Variants in PRH1 observed in about 807,000 individuals in gnomAD.
The protein encoded by PRH1 is proline rich protein HaeIII subfamily 1, also known as salivary acidic proline-rich phosphoprotein 1/2.
In PRH1, 7 loss-of-function variants were observed where a neutral mutation model predicts 7.9. That is an observed-to-expected ratio of 0.89 (90% CI 0.50 to 1.67). The LOEUF (loss-of-function observed/expected upper bound fraction) is 1.67. Among genes scored for constraint, PRH1 ranks in the 40% most tolerant of loss-of-function variants. The pLI is 0.00. For missense variants in PRH1, 109 were observed against 223.6 expected (o/e 0.49, Z 3.27); for synonymous variants, 45 against 80.8 (o/e 0.56, Z 2.38).
chr12:10,950,167 T>G (rs539232130), intron 2 of PRH1, among the ~76,000 whole-genome samples: 1 of 152,232 alleles, frequency 6.6e-6, no homozygotes, highest in South Asian at 2.1e-4. Flanking sequence ...CTGATGGACA[T>G]TTGGGAGACT....
chr12:11,158,630 T>A (rs1039646021), intron 1 of PRH1, among the ~76,000 whole-genome samples: 1 of 152,186 alleles, frequency 6.6e-6, no homozygotes, highest in Non-Finnish European at 1.5e-5. Flanking sequence ...TGAGAAAATA[T>A]GGTTAGTGAA....
At chr12:10,941,125 A>G (rs1950392612) in intron 2 of PRH1, among the ~76,000 whole-genome samples, 1 of 152,054 alleles carries the variant, frequency 6.6e-6, no homozygotes, top group Non-Finnish European at 1.5e-5. Flanking sequence ...AAGACAAACT[A>G]CCATGGTGGG....
chr12:11,155,797 A>C (rs537171616), intron 1 of PRH1, among the ~76,000 whole-genome samples: 6 of 152,184 alleles, frequency 3.9e-5, no homozygotes, highest in South Asian at 2.1e-4. Flanking sequence ...ATTACAAATA[A>C]TACTACCATG....
intron 1 of PRH1, among the ~76,000 whole-genome samples, chr12:11,059,834 A>G (rs561408032): frequency 7.9e-5 from 12 of 152,282 alleles, no homozygotes; most frequent in African/African-American, 2.9e-4. Flanking sequence ...TCATTGGTTT[A>G]CCACATCAGC....
intron 2 of PRH1, among the ~76,000 whole-genome samples, chr12:10,914,304 G>A (rs564912564): frequency 4.6e-5 from 7 of 152,318 alleles, no homozygotes; most frequent in Admixed American, 6.5e-5. Flanking sequence ...AGAGGGAGAT[G>A]CTCTAAAAGA....
chr12:11,112,575 C>T (rs1250755370), intron 1 of PRH1, among the ~76,000 whole-genome samples: 1 of 152,108 alleles, frequency 6.6e-6, no homozygotes, highest in African/African-American at 2.4e-5. Context: ...TCAACAGATG[C>T]AGAAAAGGCC....
At chr12:10,955,016 C>G (rs1422537248) in intron 2 of PRH1, among the ~76,000 whole-genome samples, 1 of 152,216 alleles carries the variant, frequency 6.6e-6, no homozygotes, top group Middle Eastern at 3.4e-3. Context: ...CAGCACTAGA[C>G]AGAACATCAA....
intron 1 of PRH1, among the ~76,000 whole-genome samples, chr12:11,029,446 AAG>A (rs1464636360): frequency 6.6e-6 from 1 of 152,216 alleles, no homozygotes; most frequent in Non-Finnish European, 1.5e-5. Flanking sequence ...ATTTTTCAAA[AAG>A]AGAGGATTTG....
At chr12:10,967,929 A>G (rs1938586365) in intron 2 of PRH1, among the ~76,000 whole-genome samples, 1 of 152,194 alleles carries the variant, frequency 6.6e-6, no homozygotes, top group Admixed American at 6.5e-5. Flanking sequence ...TTTTAAAAAT[A>G]AGAGATTAGG....
intron 1 of PRH1, chr12:11,030,941 A>G (rs552924769): frequency 1.2e-6 from 2 of 1,614,300 alleles, no homozygotes; most frequent in African/African-American, 2.7e-5. Context: ...CCCCAACAGC[A>G]TCACCAGAAT....
chr12:11,127,209 A>T (rs1946162820), intron 1 of PRH1, among the ~76,000 whole-genome samples: 1 of 152,304 alleles, frequency 6.6e-6, no homozygotes, highest in African/African-American at 2.4e-5. Context: ...GCTTGTTATA[A>T]GATAAAATTT....
intron 2 of PRH1, chr12:10,938,675 A>G: frequency 6.2e-7 from 1 of 1,614,084 alleles, no homozygotes; most frequent in Non-Finnish European, 8.5e-7. Flanking sequence ...TAATACAATA[A>G]GACTGGAAAA....
At chr12:11,021,807 C>T in intron 1 of PRH1, 1 of 1,614,250 alleles carries the variant, frequency 6.2e-7, no homozygotes, top group Non-Finnish European at 8.5e-7. Flanking sequence ...GTTTGCTCTG[C>T]TGTGTCCTAA....
At chr12:10,915,325 A>G (rs16925519) in intron 2 of PRH1, among the ~76,000 whole-genome samples, 4,081 of 152,324 alleles carry the variant, frequency 0.027, 93 homozygotes, top group African/African-American at 0.056. Flanking sequence ...TCCTGAATGA[A>G]GCCTTACAAT....
chr12:11,152,232 CT>C (rs2136430164), intron 1 of PRH1, among the ~76,000 whole-genome samples: 1 of 115,798 alleles, frequency 8.6e-6, no homozygotes, highest in South Asian at 3.6e-4. Flanking sequence ...TCCCTCCCCC[CT>C]CCCCCCACCC....
At position 10,894,204 on chromosome 12, in the gene PRH1, G is replaced by A. The variant is rs149561957; in HGVS notation, c.-58-9929C>T. Among the ~76,000 whole-genome samples, 250 of 151,896 alleles carry A rather than the reference G, an allele frequency of 1.6e-3. 1 individual carries two copies. The highest frequency in any genetic ancestry group is 2.5e-3 in the Non-Finnish European group (167 of 67,930). On this transcript the variant is annotated intron_variant, in intron 2 of 3. Transcript: ENST00000539853. The stretch of plus-strand genomic sequence containing the variant: ...TAAAATCTTACTGATTTTTTAATAC[G>A]TGTCCTTGCCTTCCTTACACAGTTA...
chr12:11,123,115 A>G (rs1945967677), intron 1 of PRH1, among the ~76,000 whole-genome samples: 1 of 152,226 alleles, frequency 6.6e-6, no homozygotes, highest in South Asian at 2.1e-4. Flanking sequence ...GGCTTCCTGG[A>G]CTCAACATTA....
Position 11,093,018 on chromosome 12 carries a change from C to T in PRH1, n.124-45830G>A, listed in dbSNP as rs1435110341. ...CTGGAATTATTCACACTGAAATTGACGTGAGACCTGAATCCTCATTTGCTA... is the reference window on the plus strand; with the variant it reads ...CTGGAATTATTCACACTGAAATTGATGTGAGACCTGAATCCTCATTTGCTA... On this transcript the variant is annotated intron_variant and non_coding_transcript_variant, in intron 1 of 4. Transcript: ENST00000541977. 2.6e-5 allele frequency among the ~76,000 whole-genome samples: 3 copies of T among 115,652 alleles called. 1 individual carries two copies. Among genetic ancestry groups the T allele is most frequent in the East Asian group, 4.2e-4 (2 of 4,774 alleles). The allele number at this position is 115,652 out of a possible 152,430, so 75.9% of individuals were successfully genotyped here. A position where few individuals can be genotyped will look rare whatever the true frequency, so the allele number is the denominator to read the frequency against.
intron 1 of PRH1, chr12:11,006,158 T>G (rs572603351): frequency 2.0e-5 from 3 of 152,160 alleles, no homozygotes; most frequent in African/African-American, 4.8e-5. Flanking sequence ...ATTTCACAAC[T>G]GCTCTCTGCC....
Sources: gnomAD v4.1 joint callset for allele counts (sites outside exome capture counted in the v4.1 genomes callset) on GRCh38, gnomAD v4.1.1 for gene constraint, MANE v1.5 for transcripts, NCBI Gene and HGNC (gene_info 2026-07-23, HGNC 2026-07-21) for gene names.